The following HIBCH variants were observed in gnomAD, a reference collection of about 807,000 sequenced individuals.
HIBCH encodes 3-hydroxyisobutyryl-CoA hydrolase.
In HIBCH, 50 loss-of-function variants were observed where a neutral mutation model predicts 58.2. The observed-to-expected ratio is 0.86, with a 90% confidence interval of 0.68 to 1.09. HIBCH has a LOEUF of 1.09. Ranked by LOEUF, HIBCH falls within the 50% of genes least tolerant of loss-of-function variation. The probability of loss-of-function intolerance (pLI) is 0.00; values close to 1 mark genes in which losing one functional copy is unlikely to be tolerated. For missense variants in HIBCH, 450 were observed against 449.7 expected, an observed-to-expected ratio of 1.00 and a Z score of -0.01; for synonymous variants, 151 against 146.9, an observed-to-expected ratio of 1.03 and a Z score of -0.20.
intron 2 of HIBCH, among the ~76,000 whole-genome samples, chr2:190,308,103 A>G (rs1314009416): frequency 6.6e-6 from 1 of 152,224 alleles, no homozygotes; most frequent in Non-Finnish European, 1.5e-5. Flanking sequence ...TGAGGCACTC[A>G]TAAAAGCAAA....
chr2:190,219,204 A>G (rs1480978039), intron 11 of HIBCH, among the ~76,000 whole-genome samples: 2 of 152,212 alleles, frequency 1.3e-5, no homozygotes, highest in Non-Finnish European at 2.9e-5. Flanking sequence ...TATTAACTCA[A>G]TAGAAGTCCC....
intron 1 of HIBCH, among the ~76,000 whole-genome samples, chr2:190,190,320 T>A (rs1001381322): frequency 2.0e-5 from 3 of 152,210 alleles, no homozygotes; most frequent in Non-Finnish European, 4.4e-5. Context: ...ATATGATCCA[T>A]CTTTTTTATC....
intron 6 of HIBCH, 44 bp from the exon 7 acceptor site, chr2:190,261,278 T>C (rs926732272): frequency 1.4e-6 from 2 of 1,394,372 alleles, no homozygotes; most frequent in South Asian, 1.2e-5. Flanking sequence ...GAATTAAACA[T>C]ATTGTTAAAA....
intron 11 of HIBCH, among the ~76,000 whole-genome samples, chr2:190,244,139 A>G (rs1011247397): frequency 6.6e-6 from 1 of 151,066 alleles, no homozygotes; most frequent in Non-Finnish European, 1.5e-5. Context: ...TAATATATAT[A>G]TATATATACA....
intron 11 of HIBCH, among the ~76,000 whole-genome samples, chr2:190,224,846 C>T (rs913179475): frequency 3.9e-5 from 6 of 152,180 alleles, no homozygotes. Flanking sequence ...TTCTCAGCAC[C>T]ACATCAGTTA....
intron 11 of HIBCH, among the ~76,000 whole-genome samples, chr2:190,231,633 T>C (rs1481657934): frequency 6.6e-6 from 1 of 152,006 alleles, no homozygotes; most frequent in East Asian, 1.9e-4. Flanking sequence ...AAGACAAAGA[T>C]AGCTATCATC....
At position 190,291,238 on chromosome 2, in the gene HIBCH, G is replaced by A. The variant is rs180893799; in HGVS notation, c.305-753C>T. Among the ~76,000 whole-genome samples, 36 of 152,248 alleles carry A rather than the reference G, an allele frequency of 2.4e-4. No homozygotes were observed. In the East Asian group the frequency reaches 6.2e-3, roughly 26 times the overall value. On this transcript the variant is annotated intron_variant, in intron 4 of 13. Transcript: ENST00000359678. ...TTATTGAGCACCTACTACATACCAA[G>A]TAATGTTTTAGGTGTTGCAGATAAT...
rs1438736290 is a variant in HIBCH, at chr2:190,197,740, AT to A, written c.*17+7359del. 6.6e-6 allele frequency among the ~76,000 whole-genome samples: 1 copy of A among 152,158 alleles called. No homozygotes were observed. Among genetic ancestry groups the A allele is most frequent in the African/African-American group, 2.4e-5 (1 of 41,428 alleles). On this transcript the variant is annotated intron_variant, in intron 1 of 1. Coordinates refer to the HIBCH transcript ENST00000399855. The surrounding 1 kb of genome is among the most constrained non-coding windows in gnomAD (Gnocchi z 4.0). ...ATGCCTGAAAATAATGGCAACATAT[AT>A]TTTGTCTGGTTTTAAAACTGGTTTT...
chr2:190,220,801 A>C (rs542141902), intron 11 of HIBCH, among the ~76,000 whole-genome samples: 1 of 152,188 alleles, frequency 6.6e-6, no homozygotes, highest in African/African-American at 2.4e-5. Context: ...CTTCATTGAC[A>C]ATGCTAAAAG....
At position 190,215,450 on chromosome 2, in the gene HIBCH, A is replaced by G. The variant is rs913711526; in HGVS notation, c.892-2375T>C. 2.6e-5 allele frequency: 4 copies of G among 152,176 alleles called. No homozygotes were observed. The highest frequency in any genetic ancestry group is 4.4e-5 in the Non-Finnish European group (3 of 68,026). 9.4% of individuals were successfully genotyped at this position (152,176 alleles called of 1,614,324 possible). ...AAAGCATTTGAGATTCAACAACAAA[A>G]AAGGAGGAGACTCCCTCTGTGTTGC... On this transcript the variant is annotated intron_variant, in intron 11 of 13. Transcript: ENST00000359678. This position sits in a 1 kb window ranked among gnomAD's most constrained non-coding sequence, Gnocchi z 4.4.
chr2:190,250,182 T>C (rs557323249), intron 8 of HIBCH: 47 of 344,168 alleles, frequency 1.4e-4, no homozygotes, highest in Non-Finnish European at 2.2e-4. Context: ...TCCCAGAGCA[T>C]AGCTAATGCT....
chr2:190,215,282 G>A lies in HIBCH; in HGVS notation c.892-2207C>T, dbSNP rs899422448. 3 of 152,234 alleles carry A rather than the reference G, an allele frequency of 2.0e-5. No homozygotes were observed. The highest frequency in any genetic ancestry group is 2.0e-4 in the Admixed American group (3 of 15,282). 9.4% of individuals were successfully genotyped at this position (152,234 alleles called of 1,614,324 possible). The stretch of plus-strand genomic sequence containing the variant: ...GGAAAGACAGCGTCCTCCCAGGCAA[G>A]AAGTCCTGCCAACTGAGCAGAAATT... On this transcript the variant is annotated intron_variant, in intron 11 of 13. Transcript: ENST00000359678. This position sits in a 1 kb window ranked among gnomAD's most constrained non-coding sequence, Gnocchi z 4.4.
intron 6 of HIBCH, among the ~76,000 whole-genome samples, chr2:190,266,062 G>C (rs1300905308): frequency 2.0e-5 from 3 of 151,728 alleles, no homozygotes; most frequent in Non-Finnish European, 4.4e-5. Context: ...CAAACATTTG[G>C]GATTTCCCTA....
chr2:190,242,771 C>CGTTTG (rs1686489462), intron 11 of HIBCH, among the ~76,000 whole-genome samples: 1 of 152,182 alleles, frequency 6.6e-6, no homozygotes, highest in African/African-American at 2.4e-5. Flanking sequence ...TTGCTAAAAA[C>CGTTTG]ATGTTTGTGC....
At chr2:190,249,463 T>C (rs931483675) in intron 9 of HIBCH, among the ~76,000 whole-genome samples, 177 bp downstream of exon 9, 36 of 152,322 alleles carry the variant, frequency 2.4e-4, no homozygotes, top group African/African-American at 8.2e-4. Context: ...AGTCATCTTA[T>C]TAGCTGGCTA....
intron 6 of HIBCH, among the ~76,000 whole-genome samples, chr2:190,265,529 T>G (rs1017550912): frequency 1.3e-5 from 2 of 151,994 alleles, no homozygotes; most frequent in African/African-American, 4.8e-5. Flanking sequence ...CCTTATCAGC[T>G]GTATACCAAA....
chr2:190,282,676 C>T (rs1687732907), intron 6 of HIBCH, among the ~76,000 whole-genome samples: 1 of 152,070 alleles, frequency 6.6e-6, no homozygotes, highest in African/African-American at 2.4e-5. Flanking sequence ...AAAGTGTGGC[C>T]TTCCAAACCA....
intron 11 of HIBCH, among the ~76,000 whole-genome samples, chr2:190,226,159 T>C (rs1025235721): frequency 1.3e-5 from 2 of 152,212 alleles, no homozygotes; most frequent in African/African-American, 2.4e-5. Flanking sequence ...TCATACTGAA[T>C]GGGCAAAAAC....
chr2:190,208,371 T>C (rs1000824177), intron 13 of HIBCH, among the ~76,000 whole-genome samples: 3 of 152,192 alleles, frequency 2.0e-5, no homozygotes, highest in Non-Finnish European at 4.4e-5. Context: ...AGCAGCAGGA[T>C]GGCAGCAGGA....
Sources: gnomAD v4.1 joint callset for allele counts (sites outside exome capture counted in the v4.1 genomes callset) on GRCh38, gnomAD v4.1.1 for gene constraint, Gnocchi (gnomAD v3.1) non-coding constraint, MANE v1.5 for transcripts, NCBI Gene and HGNC (gene_info 2026-07-23, HGNC 2026-07-21) for gene names.